Variants in CRIM1 observed in about 807,000 individuals in gnomAD.
CRIM1 encodes cysteine-rich motor neuron 1 protein.
Under a neutral mutation model 116.4 loss-of-function variants are expected in CRIM1, and 32 were observed. The ratio of observed to expected loss-of-function variants is 0.27; its 90% CI spans 0.21 to 0.37. CRIM1 has a LOEUF of 0.37. CRIM1 is among the 10% of genes least tolerant of loss of function. The pLI, the probability that CRIM1 is intolerant of heterozygous loss-of-function variation, is 1.00. For synonymous variants in CRIM1, 590 were observed against 509.2 expected, an observed-to-expected ratio of 1.16 and a Z score of -2.13; for missense variants, 1,331 against 1,354.8, an observed-to-expected ratio of 0.98 and a Z score of 0.28.
chr2:36,452,024 G>C (rs1676771405), intron 4 of CRIM1, among the ~76,000 whole-genome samples: 1 of 152,024 alleles, frequency 6.6e-6, no homozygotes, highest in African/African-American at 2.4e-5. Flanking sequence ...CATTTTCAAA[G>C]GGACTTTATC....
chr2:36,402,216 T>A (rs1037077884), intron 2 of CRIM1, among the ~76,000 whole-genome samples: 1 of 152,156 alleles, frequency 6.6e-6, no homozygotes, highest in Non-Finnish European at 1.5e-5. Context: ...ACCAGTATGC[T>A]GTGATAGAGA....
chr2:36,382,352 T>A (rs568726797), intron 1 of CRIM1, among the ~76,000 whole-genome samples: 67 of 152,396 alleles, frequency 4.4e-4, no homozygotes, highest in African/African-American at 1.6e-3. Context: ...TCCTAACTGC[T>A]GCCATACCTG....
chr2:36,533,326 T>A (rs1666244794), intron 13 of CRIM1, among the ~76,000 whole-genome samples: 1 of 150,522 alleles, frequency 6.6e-6, no homozygotes. Context: ...TGGTGGCTCA[T>A]GCCTATAATT....
rs144103945 is a variant in CRIM1 at position 36,364,090 on chromosome 2, G to A, written c.331+7467G>A. On this transcript the variant is annotated intron_variant, in intron 1 of 16. Transcript: ENST00000280527. ...TCGGTACCTCCTAGGTTCGCTGTGG[G>A]GGTTAAGTGAGATAAAACTGTGCTT... Among the ~76,000 whole-genome samples, 13 of 152,246 alleles carry A rather than the reference G, an allele frequency of 8.5e-5. No individual in the cohort carries two copies. In the East Asian group the frequency reaches 2.5e-3, roughly 29 times the overall value.
intron 12 of CRIM1, among the ~76,000 whole-genome samples, chr2:36,521,140 A>G (rs978159589): frequency 2.6e-5 from 4 of 152,020 alleles, no homozygotes; most frequent in African/African-American, 9.7e-5. Context: ...TACAATTTTC[A>G]TTGATTTTAG....
At chr2:36,417,885 A>C (rs1673746456) in intron 2 of CRIM1, among the ~76,000 whole-genome samples, 1 of 152,256 alleles carries the variant, frequency 6.6e-6, no homozygotes, top group Non-Finnish European at 1.5e-5. Flanking sequence ...TAGGAAAATC[A>C]GAAATTGTGG....
At chr2:36,508,919 AC>A (rs11353592) in intron 8 of CRIM1, among the ~76,000 whole-genome samples, 9,357 of 152,222 alleles carry the variant, frequency 0.061, 931 homozygotes, top group African/African-American at 0.21. Flanking sequence ...CTAACGGGAT[AC>A]TTTGAACACT....
chr2:36,433,766 CT>C (rs1675082054), intron 2 of CRIM1, among the ~76,000 whole-genome samples: 1 of 152,120 alleles, frequency 6.6e-6, no homozygotes, highest in Non-Finnish European at 1.5e-5. Flanking sequence ...TTACAGATCA[CT>C]TTTTTCCCTT....
At chr2:36,368,296 C>G (rs947060303) in intron 1 of CRIM1, among the ~76,000 whole-genome samples, 2 of 152,212 alleles carry the variant, frequency 1.3e-5, no homozygotes, top group African/African-American at 4.8e-5. Context: ...TCCCTCACCT[C>G]TGTGTACAGC....
In CRIM1 at chr2:36,445,493, G is replaced by A. The variant is rs537394444; in HGVS notation, c.869+2758G>A. Among the ~76,000 whole-genome samples, 4 of 152,210 alleles carry A rather than the reference G, an allele frequency of 2.6e-5. No homozygotes were observed. The South Asian group carries it at 6.2e-4, about 24-fold the overall frequency. Reference sequence around the variant, plus strand: ...TTCCCACATAATCCTTTCCTATGCTGTCAGTTAATTATCGACTTTCATACA... The same window carrying A: ...TTCCCACATAATCCTTTCCTATGCTATCAGTTAATTATCGACTTTCATACA... On this transcript the variant is annotated intron_variant, in intron 4 of 16. Transcript: ENST00000280527.
intron 1 of CRIM1, among the ~76,000 whole-genome samples, chr2:36,393,464 G>A (rs1475589514): frequency 1.3e-5 from 2 of 151,860 alleles, no homozygotes; most frequent in African/African-American, 4.8e-5. Flanking sequence ...CCATACCAGT[G>A]ACATATATGT....
intron 1 of CRIM1, among the ~76,000 whole-genome samples, chr2:36,382,962 TGTTA>T (rs1390796856): frequency 6.6e-6 from 1 of 152,264 alleles, no homozygotes; most frequent in Non-Finnish European, 1.5e-5. Context: ...TCCTGAAAGC[TGTTA>T]GTTCTTGAAA....
At chr2:36,421,231 G>A (rs558002420) in intron 2 of CRIM1, among the ~76,000 whole-genome samples, 2 of 152,282 alleles carry the variant, frequency 1.3e-5, no homozygotes, top group South Asian at 4.2e-4. Context: ...TTTTATGCAG[G>A]TATGGTATGT....
intron 14 of CRIM1, among the ~76,000 whole-genome samples, chr2:36,542,128 G>A (rs1666986645): frequency 6.6e-6 from 1 of 152,154 alleles, no homozygotes. Flanking sequence ...GAACTGAGTG[G>A]TGGAGTGAGC....
chr2:36,499,457 ACCTG>A, intron 8 of CRIM1, 110 bp downstream of exon 8: 2 of 1,207,270 alleles, frequency 1.7e-6, no homozygotes, highest in African/African-American at 1.6e-5. Context: ...TCCCTTGACA[ACCTG>A]AAAAAAAGGG....
rs1396676650 is a variant in CRIM1 at position 36,503,491 on chromosome 2, C to T, written c.1501+4144C>T. Among the ~76,000 whole-genome samples, 3 of 152,212 alleles carry T rather than the reference C, an allele frequency of 2.0e-5. No individual in the cohort carries two copies. The East Asian group carries it at 5.8e-4, about 29-fold the overall frequency. On this transcript the variant is annotated intron_variant, in intron 8 of 16. Transcript: ENST00000280527. Reference sequence around the variant, plus strand: ...TGTAACTATTTTATAGCATCTTCTTCTGAGTCGGCCCAAGCTAGCCAACAT... The same window carrying T: ...TGTAACTATTTTATAGCATCTTCTTTTGAGTCGGCCCAAGCTAGCCAACAT...
chr2:36,385,189 A>G (rs958377851), intron 1 of CRIM1, among the ~76,000 whole-genome samples: 2 of 152,050 alleles, frequency 1.3e-5, no homozygotes, highest in African/African-American at 4.8e-5. Flanking sequence ...CAGTAGTATA[A>G]TCGTTGGAAT....
At chr2:36,469,508 T>A (rs1261087353) in intron 5 of CRIM1, among the ~76,000 whole-genome samples, 1 of 152,164 alleles carries the variant, frequency 6.6e-6, no homozygotes, top group African/African-American at 2.4e-5. Flanking sequence ...GGAAGTAATC[T>A]TATGTTGGCC....
chr2:36,393,212 A>G (rs1671754200), intron 1 of CRIM1, among the ~76,000 whole-genome samples: 1 of 152,206 alleles, frequency 6.6e-6, no homozygotes. Flanking sequence ...GAGAGTAATG[A>G]TAGATGATGC....
Sources: gnomAD v4.1 joint callset for allele counts (sites outside exome capture counted in the v4.1 genomes callset) on GRCh38, gnomAD v4.1.1 for gene constraint, MANE v1.5 for transcripts, NCBI Gene and HGNC (gene_info 2026-07-23, HGNC 2026-07-21) for gene names.